RET: variants seen among roughly 807,000 people sequenced by gnomAD.
RET encodes proto-oncogene tyrosine-protein kinase receptor Ret.
RET carries 19 observed loss-of-function variants against 118.3 expected under a neutral mutation model. That is an observed-to-expected ratio of 0.16 (90% CI 0.11 to 0.24). RET has a LOEUF of 0.24. Among genes scored for constraint, RET ranks in the 10% least tolerant of loss-of-function variants. RET has a pLI of 1.00. For missense variants in RET, 1,219 were observed against 1,502.1 expected, an observed-to-expected ratio of 0.81 and a Z score of 3.12; for synonymous variants, 597 against 644.1, an observed-to-expected ratio of 0.93 and a Z score of 1.11.
At chr10:43,107,359 AC>A (rs1837805177) in intron 5 of RET, among the ~76,000 whole-genome samples, 1 of 151,842 alleles carries the variant, frequency 6.6e-6, no homozygotes, top group African/African-American at 2.4e-5. Context: ...CATTGTTTCC[AC>A]CACATGAGAT....
chr10:43,102,389 C>A lies in RET; in HGVS notation c.385C>A (p.Pro129Thr). 6.2e-7 allele frequency: 1 copy of A among 1,614,266 alleles called. No individual in the cohort carries two copies. Among genetic ancestry groups the A allele is most frequent in the African/African-American group, 1.3e-5 (1 of 75,068 alleles). Reference protein sequence around the residue: ...LTVYLKVFLSPTSLREGECQW... With the variant: ...LTVYLKVFLSTTSLREGECQW... ...CGTCTACCTCAAGGTCTTCCTGTCA[C>A]CCACATCCCTTCGTGAGGGCGAGTG... Residue 129 changes from proline to threonine, a missense_variant, in exon 3 of 20, where the codon CCC (proline) becomes ACC (threonine). By Grantham distance (38) the Pro-to-Thr change is conservative (BLOSUM62 -1). This residue lies in a region of RET where 84 missense variants were observed against 163.6 expected (regional missense o/e 0.51). Coordinates refer to ENST00000355710, the MANE Select transcript of RET (RefSeq NM_020975.6).
intron 1 of RET, among the ~76,000 whole-genome samples, chr10:43,092,451 G>T (rs1837430229): frequency 6.6e-6 from 1 of 152,220 alleles, no homozygotes; most frequent in Non-Finnish European, 1.5e-5. Context: ...AAAATTTTAA[G>T]ATGATAAAGT....
chr10:43,127,037 G>C, intron 19 of RET: 1 of 1,287,678 alleles, frequency 7.8e-7, no homozygotes, highest in Non-Finnish European at 9.9e-7. Flanking sequence ...CGCTTCTGGG[G>C]TGGGAATCAA....
At position 43,129,824 on chromosome 10, in the gene RET, G is replaced by T. The variant is rs762178593; in HGVS notation, c.*1555G>T. 1 of 390,594 alleles carries T rather than the reference G, an allele frequency of 2.6e-6. No individual in the cohort carries two copies. Among genetic ancestry groups the T allele is most frequent in the Non-Finnish European group, 4.5e-6 (1 of 221,902 alleles). 24.2% of individuals were successfully genotyped at this position (390,594 alleles called of 1,614,324 possible). ...GGGAGAGTTTGAAAAATGCTTATTG[G>T]ACACGTAACCTGGCTCTAATTTGGG... On this transcript the variant is annotated 3_prime_UTR_variant, in exon 20 of 20. Coordinates refer to ENST00000355710, the MANE Select transcript of RET (RefSeq NM_020975.6).
At chr10:43,119,437 C>T (rs111264957) in intron 13 of RET, 94 bp from the exon 14 acceptor site, 48,868 of 1,040,686 alleles carry the variant, frequency 0.047, 1,455 homozygotes, top group South Asian at 0.094. Context: ...ATTGGGTGGC[C>T]GGGCCTGGGG....
At position 43,128,820 on chromosome 10, in the gene RET, G is replaced by A. The variant is rs1473719069; in HGVS notation, c.*551G>A. The A allele has an allele frequency of 1.2e-5, 3 of 251,526 alleles. No homozygotes were observed. Among genetic ancestry groups the A allele is most frequent in the East Asian group, 5.7e-5 (1 of 17,590 alleles). 15.6% of individuals were successfully genotyped at this position (251,526 alleles called of 1,614,324 possible). On this transcript the variant is annotated 3_prime_UTR_variant, in exon 20 of 20. Coordinates refer to ENST00000355710, the MANE Select transcript of RET (RefSeq NM_020975.6). ...AGGGCTGGAGGGGAAGAGGGGCCCC[G>A]AGGATGGGCCTGGGCTCAGCATTCG...
chr10:43,078,892 A>G (rs1402623169), intron 1 of RET, among the ~76,000 whole-genome samples: 3 of 152,188 alleles, frequency 2.0e-5, no homozygotes, highest in African/African-American at 4.8e-5. Flanking sequence ...CCCGGACACC[A>G]CAGTTGGAGG....
Position 43,077,262 on chromosome 10 carries a change from G to A in RET, c.4G>A (p.Ala2Thr). 6.6e-7 allele frequency: 1 copy of A among 1,504,460 alleles called. No individual in the cohort carries two copies. The highest frequency in any genetic ancestry group is 8.8e-7 in the Non-Finnish European group (1 of 1,132,194). The allele number at this position is 1,504,460 out of a possible 1,614,324, so 93.2% of individuals were successfully genotyped here. A position where few individuals can be genotyped will look rare whatever the true frequency, so the allele number is the denominator to read the frequency against. The change falls in exon 1 of 20, where the codon GCG becomes ACG. Residue 2 changes from alanine (A) to threonine (T), a missense_variant. Coordinates refer to ENST00000355710, the MANE Select transcript of RET (RefSeq NM_020975.6). MAKATSGAAGLR... is the reference protein window; with the variant it reads MTKATSGAAGLR... ...GTGGCCCCAGCGCGCACGGGCGATG[G>A]CGAAGGCGACGTCCGGTGCCGCGGG...
At chr10:43,127,309 C>A (rs530158005) in intron 19 of RET, 1 of 1,070,114 alleles carries the variant, frequency 9.3e-7, no homozygotes, top group African/African-American at 1.6e-5. Context: ...CCTGGGAGGA[C>A]GCACCCCCAC....
At chr10:43,079,560 C>A (rs919460385) in intron 1 of RET, among the ~76,000 whole-genome samples, 15 of 152,264 alleles carry the variant, frequency 9.9e-5, no homozygotes, top group Non-Finnish European at 1.6e-4. Flanking sequence ...GGGTTCCCCC[C>A]AGGTCCCAGG....
intron 5 of RET, among the ~76,000 whole-genome samples, chr10:43,107,135 T>C (rs1230125728): frequency 6.6e-6 from 1 of 152,208 alleles, no homozygotes; most frequent in East Asian, 1.9e-4. Context: ...AGATTTCTCC[T>C]GGGATCGCCT....
At chr10:43,116,480 G>T (rs2132899333) in intron 11 of RET, 104 bp from the exon 12 acceptor site, 1 of 1,410,186 alleles carries the variant, frequency 7.1e-7, no homozygotes, top group Non-Finnish European at 1.0e-6. Flanking sequence ...TCTGCACATT[G>T]GAACTTGTCC....
At chr10:43,078,456 C>G (rs569309149) in intron 1 of RET, among the ~76,000 whole-genome samples, 4 of 152,376 alleles carry the variant, frequency 2.6e-5, no homozygotes, top group Non-Finnish European at 4.4e-5. Flanking sequence ...CGCCTCAGCT[C>G]AGCATATGCT....
chr10:43,123,870 T>A, intron 17 of RET, 62 bp downstream of exon 17: 1 of 1,608,184 alleles, frequency 6.2e-7, no homozygotes, highest in Non-Finnish European at 8.5e-7. Flanking sequence ...CTGTGTGCAT[T>A]CCCTCCCCAT....
chr10:43,116,333 A>G lies in RET; in HGVS notation c.2137-251A>G, dbSNP rs991923171. On this transcript the variant is annotated intron_variant, in intron 11 of 19. Coordinates refer to ENST00000355710, the MANE Select transcript of RET (RefSeq NM_020975.6). ...CAGGGGAGACAGTAGACCAGGAACC[A>G]GAGAGGGTCGAAGTACTGAGTCCAA... 3.4e-4 allele frequency among the ~76,000 whole-genome samples: 52 copies of G among 152,230 alleles called. No individual in the cohort carries two copies. The highest frequency in any genetic ancestry group is 1.4e-3 in the Admixed American group (22 of 15,286).
rs587778656 is a variant in RET, at chr10:43,118,436, A to G, written c.2348A>G (p.Asn783Ser). 8.7e-6 allele frequency: 14 copies of G among 1,614,118 alleles called. No individual in the cohort carries two copies. Among genetic ancestry groups the G allele is most frequent in the Non-Finnish European group, 1.2e-5 (14 of 1,180,032 alleles). The part of the protein sequence containing the change: ...LSEFNVLKQV[N>S]HPHVIKLYGA... ...GAGTTCAACGTCCTGAAGCAGGTCA[A>G]CCACCCACATGTCATCAAATTGTAT... The change falls in exon 13 of 20, where the codon AAC becomes AGC. Residue 783 changes from asparagine to serine, a missense_variant. Coordinates refer to ENST00000355710, the MANE Select transcript of RET (RefSeq NM_020975.6).
chr10:43,101,856 G>C (rs1157444085), intron 2 of RET, among the ~76,000 whole-genome samples: 1 of 152,230 alleles, frequency 6.6e-6, no homozygotes, highest in African/African-American at 2.4e-5. Flanking sequence ...AGGAGCAGCC[G>C]CCCACCTAGG....
chr10:43,119,998 C>T (rs1402529000), intron 14 of RET, 83 bp from the exon 15 acceptor site: 15 of 1,587,110 alleles, frequency 9.5e-6, no homozygotes, highest in Non-Finnish European at 1.3e-5. Flanking sequence ...CACACACCAC[C>T]CCTCTGCTGG....
chr10:43,122,110 G>A (rs1838231707), intron 16 of RET, 94 bp downstream of exon 16: 1 of 999,208 alleles, frequency 1.0e-6, no homozygotes, highest in Non-Finnish European at 1.6e-6. Context: ...AGCTTGGCCA[G>A]GGAATTGCAC....
Sources: allele counts gnomAD v4.1 joint callset (sites outside exome capture counted in the v4.1 genomes callset), GRCh38; gene constraint gnomAD v4.1.1; regional missense constraint gnomAD v4.1.1; transcripts MANE v1.5; gene names NCBI Gene and HGNC (gene_info 2026-07-23, HGNC 2026-07-21).